Variants in CACNA2D4 observed in about 807,000 individuals in gnomAD.
CACNA2D4 encodes the protein calcium voltage-gated channel auxiliary subunit alpha2delta 4.
In CACNA2D4, 157 loss-of-function variants were observed where a neutral mutation model predicts 163.8. The observed-to-expected ratio is 0.96, with a 90% CI of 0.84 to 1.09. The LOEUF is 1.09. Ranked by LOEUF, CACNA2D4 falls within the 50% of genes least tolerant of loss-of-function variation. The pLI is 0.00. For synonymous variants in CACNA2D4, 598 were observed against 586.9 expected (o/e 1.02, Z -0.27); for missense variants, 1,410 against 1,479.9 (o/e 0.95, Z 0.78).
intron 26 of CACNA2D4, among the ~76,000 whole-genome samples, chr12:1,840,515 C>T (rs1052287827): frequency 1.3e-5 from 2 of 152,172 alleles, no homozygotes; most frequent in Non-Finnish European, 2.9e-5. Context: ...ATCTCCTAGC[C>T]TCTCTGGGCT....
At chr12:1,916,600 A>G (rs560562974) in intron 1 of CACNA2D4, among the ~76,000 whole-genome samples, 2 of 152,282 alleles carry the variant, frequency 1.3e-5, no homozygotes, top group Admixed American at 1.3e-4. Flanking sequence ...TGAGGACAGC[A>G]GAGATAAGCC....
intron 31 of CACNA2D4, 114 bp from the exon 32 acceptor site, chr12:1,800,552 GGA>G: frequency 9.6e-7 from 1 of 1,043,852 alleles, no homozygotes; most frequent in Non-Finnish European, 1.5e-6. Context: ...CCTGCCACTG[GGA>G]GCAGGGGCAG....
rs1863000199 is a variant in CACNA2D4, at chr12:1,792,342, A to T, written c.*1313T>A. ...CCGATAATGTAAGTGTGTTTTACAG[A>T]GTTGGCATTTGGCCTACTCTAGAGG... On this transcript the variant is annotated 3_prime_UTR_variant, in exon 38 of 38. Coordinates refer to ENST00000382722, the MANE Select transcript of CACNA2D4 (RefSeq NM_172364.5). 1 of 152,252 alleles carries T rather than the reference A, an allele frequency of 6.6e-6. No homozygotes were observed. Among genetic ancestry groups the T allele is most frequent in the Non-Finnish European group, 1.5e-5 (1 of 68,042 alleles). 9.4% of individuals were successfully genotyped at this position (152,252 alleles called of 1,614,324 possible).
intron 37 of CACNA2D4, among the ~76,000 whole-genome samples, chr12:1,794,877 C>T (rs1278460405): frequency 1.3e-5 from 2 of 152,158 alleles, no homozygotes; most frequent in Non-Finnish European, 2.9e-5. Context: ...AAAGTCCCAA[C>T]CCTCTAATCC....
chr12:1,886,414 A>G (rs757796079), intron 7 of CACNA2D4, 41 bp from the exon 8 acceptor site: 3 of 1,591,644 alleles, frequency 1.9e-6, no homozygotes, highest in African/African-American at 1.3e-5. Context: ...GGAAAACCAA[A>G]GCCGGAACCA....
At chr12:1,817,629 G>A (rs993680729) in intron 26 of CACNA2D4, among the ~76,000 whole-genome samples, 10 of 152,328 alleles carry the variant, frequency 6.6e-5, no homozygotes, top group Middle Eastern at 6.8e-3. Context: ...GATTGCAGGC[G>A]TGCGCCGCCA....
intron 20 of CACNA2D4, among the ~76,000 whole-genome samples, chr12:1,856,572 T>A (rs775796989): frequency 6.6e-6 from 1 of 152,198 alleles, no homozygotes; most frequent in Non-Finnish European, 1.5e-5. Context: ...ATTATGGGCA[T>A]GTAATAACCT....
chr12:1,886,257 G>A lies in CACNA2D4; in HGVS notation c.959C>T (p.Thr320Ile). 6.2e-7 allele frequency: 1 copy of A among 1,613,512 alleles called. No homozygotes were observed. Among genetic ancestry groups the A allele is most frequent in the South Asian group, 1.1e-5 (1 of 91,064 alleles). ...AKHTITTILD[T>I]LGENDFINII... ...ATTAATGAAGTCATTCTCCCCCAGG[G>A]TGTCCAAGATGGTGGTGATGGTGTG... Residue 320 changes from threonine to isoleucine, a missense_variant, in exon 8 of 38, where the codon ACC becomes ATC. Thr to Ile is a moderately conservative substitution (Grantham distance 89). Coordinates refer to ENST00000382722, the MANE Select transcript of CACNA2D4 (RefSeq NM_172364.5).
chr12:1,885,407 C>T (rs904586372), intron 9 of CACNA2D4, among the ~76,000 whole-genome samples: 1 of 152,198 alleles, frequency 6.6e-6, no homozygotes, highest in African/African-American at 2.4e-5. Context: ...CCGCAGCCCG[C>T]AGCCCAGGGG....
rs1270015045 is a variant in CACNA2D4, at chr12:1,917,019, T to C, written c.227+1228A>G. On this transcript the variant is annotated intron_variant, in intron 1 of 37. Coordinates refer to ENST00000382722, the MANE Select transcript of CACNA2D4 (RefSeq NM_172364.5). The surrounding 1 kb of genome is among the most constrained non-coding windows in gnomAD (Gnocchi z 4.3). ...GAGTTGGCCCTCTCCTATCAGCTGG[T>C]GTGTGTTCTGGGGATGAAAATTGTT... Among the ~76,000 whole-genome samples, 3 of 152,142 alleles carry C rather than the reference T, an allele frequency of 2.0e-5. No individual in the cohort carries two copies. Among genetic ancestry groups the C allele is most frequent in the Non-Finnish European group, 4.4e-5 (3 of 68,034 alleles).
chr12:1,797,290 C>T (rs1166113504), intron 35 of CACNA2D4, 128 bp downstream of exon 35: 2 of 724,430 alleles, frequency 2.8e-6, no homozygotes, highest in East Asian at 5.4e-5. Flanking sequence ...GGGCTCTGCA[C>T]TTAGACGCAT....
chr12:1,915,141 T>G (rs962679306), intron 1 of CACNA2D4: 11 of 703,274 alleles, frequency 1.6e-5, no homozygotes, highest in African/African-American at 7.0e-5. Context: ...CCCACACACA[T>G]GCATATGCAT....
At position 1,869,986 on chromosome 12, in the gene CACNA2D4, G is replaced by T; in HGVS notation, c.1878+4618C>A. Among the ~76,000 whole-genome samples the T allele has an allele frequency of 6.6e-6, 1 of 152,142 alleles. No homozygotes were observed. Among genetic ancestry groups the T allele is most frequent in the East Asian group, 1.9e-4 (1 of 5,188 alleles). On this transcript the variant is annotated intron_variant, in intron 18 of 37. Coordinates refer to ENST00000382722, the MANE Select transcript of CACNA2D4 (RefSeq NM_172364.5). The surrounding 1 kb of genome is among the most constrained non-coding windows in gnomAD (Gnocchi z 4.7). ...TTGTATTAAGCAGTAGTTAAATGAT[G>T]GGTTGATAAGAACTGAGCATATAGA...
chr12:1,881,859 T>G lies in CACNA2D4; in HGVS notation c.1485+1008A>C, dbSNP rs544075417. Among the ~76,000 whole-genome samples, 5 of 152,380 alleles carry G rather than the reference T, an allele frequency of 3.3e-5. No homozygotes were observed. In the South Asian group the frequency reaches 1.0e-3, roughly 32 times the overall value. On this transcript the variant is annotated intron_variant, in intron 13 of 37. Coordinates refer to ENST00000382722, the MANE Select transcript of CACNA2D4 (RefSeq NM_172364.5). ...TCATCCCAAATTTGGCCAGATGGCT[T>G]ATGTCTACTATTAACAGGTGGAGGT...
chr12:1,834,824 G>A lies in CACNA2D4; in HGVS notation c.2551+5915C>T, dbSNP rs1864787138. ...CCGGCGCTGGCCACTGCCTCCCCGA[G>A]TCCACCCTCCTCCCCGCCCTCCAGC... On this transcript the variant is annotated intron_variant, in intron 26 of 37. Coordinates refer to ENST00000382722, the MANE Select transcript of CACNA2D4 (RefSeq NM_172364.5). The surrounding 1 kb of genome is among the most constrained non-coding windows in gnomAD (Gnocchi z 7.6). The A allele has an allele frequency of 6.9e-7, 1 of 1,443,104 alleles. No homozygotes were observed. 89.4% of individuals were successfully genotyped at this position (1,443,104 alleles called of 1,614,324 possible).
At chr12:1,819,147 G>A (rs1863994535) in intron 26 of CACNA2D4, among the ~76,000 whole-genome samples, 1 of 152,160 alleles carries the variant, frequency 6.6e-6, no homozygotes, top group East Asian at 1.9e-4. Flanking sequence ...CTTGCAGGGG[G>A]CGTTTAAGGA....
At chr12:1,837,412 C>T (rs933552275) in intron 26 of CACNA2D4, among the ~76,000 whole-genome samples, 3 of 152,046 alleles carry the variant, frequency 2.0e-5, no homozygotes, top group East Asian at 1.9e-4. Context: ...CCCGGAATTA[C>T]GGACTGGAGG....
chr12:1,848,090 G>A (rs959893255), intron 23 of CACNA2D4, among the ~76,000 whole-genome samples: 4 of 152,150 alleles, frequency 2.6e-5, no homozygotes, highest in African/African-American at 9.7e-5. Flanking sequence ...CCTAAAGTGT[G>A]TGATTCAATA....
chr12:1,882,404 C>T (rs778554411), intron 13 of CACNA2D4, among the ~76,000 whole-genome samples: 2 of 152,176 alleles, frequency 1.3e-5, no homozygotes, highest in South Asian at 4.1e-4. Flanking sequence ...TGAAGCTCTC[C>T]CTTTGATGTT....
Sources: allele counts gnomAD v4.1 joint callset (sites outside exome capture counted in the v4.1 genomes callset), GRCh38; gene constraint gnomAD v4.1.1; non-coding constraint Gnocchi (gnomAD v3.1); transcripts MANE v1.5; gene names NCBI Gene and HGNC (gene_info 2026-07-23, HGNC 2026-07-21).